Variants in PLD1 observed in about 807,000 individuals in gnomAD.
PLD1 encodes the protein phospholipase D1.
Under a neutral mutation model 137.1 loss-of-function variants are expected in PLD1, and 112 were observed. The observed-to-expected ratio is 0.82, with a 90% CI of 0.70 to 0.96. PLD1 has a LOEUF of 0.96. Among genes scored for constraint, PLD1 ranks in the 40% least tolerant of loss-of-function variants. The probability of loss-of-function intolerance (pLI) is 0.00; values close to 1 mark genes in which losing one functional copy is unlikely to be tolerated. For synonymous variants in PLD1, 431 were observed against 454.7 expected, an observed-to-expected ratio of 0.95 and a Z score of 0.66; for missense variants, 1,321 against 1,342.0, an observed-to-expected ratio of 0.98 and a Z score of 0.24.
chr3:171,657,481 A>T (rs766185409), intron 21 of PLD1, among the ~76,000 whole-genome samples: 6 of 152,228 alleles, frequency 3.9e-5, no homozygotes, highest in Non-Finnish European at 5.9e-5. Context: ...GCTACTTTTA[A>T]ATGGAGCTGA....
At chr3:171,785,066 CAGT>C (rs1380433841) in intron 1 of PLD1, among the ~76,000 whole-genome samples, 1 of 152,184 alleles carries the variant, frequency 6.6e-6, no homozygotes, top group African/African-American at 2.4e-5. Context: ...AGGAATACTA[CAGT>C]AAGTCCTGTA....
chr3:171,746,922 C>T (rs1297282521), intron 1 of PLD1, among the ~76,000 whole-genome samples: 3 of 152,236 alleles, frequency 2.0e-5, no homozygotes, highest in African/African-American at 7.2e-5. Flanking sequence ...ATAAATCTTG[C>T]TGCTGCTGTT....
chr3:171,801,918 A>C (rs1723665128), intron 1 of PLD1, among the ~76,000 whole-genome samples: 1 of 152,218 alleles, frequency 6.6e-6, no homozygotes, highest in African/African-American at 2.4e-5. Flanking sequence ...TGACAGATGC[A>C]ACTGAAACAA....
intron 1 of PLD1, chr3:171,789,191 G>A (rs1723127385): frequency 6.6e-6 from 1 of 152,316 alleles, no homozygotes; most frequent in Admixed American, 6.5e-5. Context: ...AAGGGAGGAA[G>A]GGCATCCTAT....
intron 21 of PLD1, among the ~76,000 whole-genome samples, chr3:171,646,379 G>T (rs1190674576): frequency 6.6e-6 from 1 of 152,120 alleles, no homozygotes; most frequent in Non-Finnish European, 1.5e-5. Context: ...CTCTTTGGGG[G>T]ATCAGATTTT....
At chr3:171,631,501 T>A (rs898281124) in intron 23 of PLD1, among the ~76,000 whole-genome samples, 51 of 152,196 alleles carry the variant, frequency 3.4e-4, no homozygotes, top group African/African-American at 1.0e-3. Context: ...CTAGTAGCAA[T>A]GATCACATCT....
intron 25 of PLD1, among the ~76,000 whole-genome samples, chr3:171,606,379 G>C (rs1732204126): frequency 6.6e-6 from 1 of 152,186 alleles, no homozygotes; most frequent in Non-Finnish European, 1.5e-5. Context: ...TAGATAAATG[G>C]AACTGGGGTT....
At chr3:171,797,422 C>T (rs1389515078) in intron 1 of PLD1, among the ~76,000 whole-genome samples, 2 of 152,186 alleles carry the variant, frequency 1.3e-5, no homozygotes, top group Admixed American at 6.5e-5. Context: ...AGCATTATCT[C>T]GGAGCTTGTT....
Position 171,602,803 on chromosome 3 carries a change from C to A in PLD1, c.*275G>T. The A allele has an allele frequency of 2.6e-6, 1 of 377,734 alleles. No individual in the cohort carries two copies. Among genetic ancestry groups the A allele is most frequent in the Non-Finnish European group, 4.8e-6 (1 of 208,960 alleles). The allele number at this position is 377,734 out of a possible 1,614,324, so 23.4% of individuals were successfully genotyped here. ...TACAAAGGAAATGGATTTTGGTATA[C>A]GGAATTTGAATATGTGTTTTACTCA... On this transcript the variant is annotated 3_prime_UTR_variant, in exon 27 of 27. Coordinates refer to ENST00000351298, the MANE Select transcript of PLD1 (RefSeq NM_002662.5).
rs983177669 is a variant in PLD1 at position 171,688,759 on chromosome 3, T to G, written c.1456A>C (p.Arg486=). ...FVGGIDLAYG[R]WDDNEHRLTD... ...AGTCTGTGCTCATTGTCGTCCCACC[T>G]TCCATAGGCCAGGTCAATCCCTCCC... The change falls in exon 14 of 27, where the codon AGG becomes CGG. Residue 486 remains arginine, a synonymous_variant. Transcript: ENST00000351298. 5 of 1,614,064 alleles carry G rather than the reference T, an allele frequency of 3.1e-6. No homozygotes were observed. The African/African-American group carries it at 6.7e-5, about 22-fold the overall frequency.
intron 21 of PLD1, among the ~76,000 whole-genome samples, chr3:171,652,905 G>C (rs1736909522): frequency 6.7e-6 from 1 of 149,988 alleles, no homozygotes; most frequent in African/African-American, 2.5e-5. Context: ...ATAAGCCACA[G>C]TGCCCAGCTC....
intron 1 of PLD1, among the ~76,000 whole-genome samples, chr3:171,807,183 C>A (rs1723883578): frequency 6.6e-6 from 1 of 152,090 alleles, no homozygotes; most frequent in Non-Finnish European, 1.5e-5. Context: ...GTGATGCGCA[C>A]CTCTAGTTCC....
At chr3:171,643,106 GA>G (rs1404614783) in intron 22 of PLD1, 2 of 389,426 alleles carry the variant, frequency 5.1e-6, no homozygotes, top group Non-Finnish European at 9.1e-6. Flanking sequence ...TAGGTAAATG[GA>G]AAAGTTATAA....
intron 6 of PLD1, among the ~76,000 whole-genome samples, chr3:171,730,229 A>G (rs1201613477): frequency 6.6e-6 from 1 of 152,184 alleles, no homozygotes; most frequent in African/African-American, 2.4e-5. Context: ...ATTTTTTTGT[A>G]TGTTATTACA....
chr3:171,692,646 G>A (rs527384664), intron 12 of PLD1, among the ~76,000 whole-genome samples: 1 of 152,062 alleles, frequency 6.6e-6, no homozygotes, highest in Non-Finnish European at 1.5e-5. Flanking sequence ...TCAGCCTCCT[G>A]AGTAGCTGGG....
Position 171,713,853 on chromosome 3 carries a change from AT to A in PLD1, c.911+39del, listed in dbSNP as rs753905573. 55 of 1,549,682 alleles carry A rather than the reference AT, an allele frequency of 3.5e-5. No individual in the cohort carries two copies. In the African/African-American group the frequency reaches 6.5e-4, roughly 18 times the overall value. On this transcript the variant is annotated intron_variant, in intron 9 of 26. Transcript: ENST00000351298. Reference sequence around the variant, plus strand: ...GTTGAGAAAAAAATGTTTTTAAGGCATTTTTGTAGAAATCTTTTTTAAATAT... The same window carrying A: ...GTTGAGAAAAAAATGTTTTTAAGGCATTTTGTAGAAATCTTTTTTAAATAT...
intron 23 of PLD1, among the ~76,000 whole-genome samples, chr3:171,629,691 C>A (rs916172948): frequency 6.6e-6 from 1 of 151,764 alleles, no homozygotes; most frequent in Non-Finnish European, 1.5e-5. Context: ...CAGAACAGAG[C>A]CCTCAGAAAT....
intron 1 of PLD1, chr3:171,792,494 G>A (rs1469172358): frequency 6.8e-6 from 3 of 439,146 alleles, no homozygotes; most frequent in African/African-American, 6.0e-5. Context: ...TGATCTGCAA[G>A]GTGAGAAGGG....
chr3:171,612,771 G>A lies in PLD1; in HGVS notation c.2729-339C>T, dbSNP rs545030287. Among the ~76,000 whole-genome samples, 5 of 152,220 alleles carry A rather than the reference G, an allele frequency of 3.3e-5. No homozygotes were observed. The East Asian group carries it at 9.7e-4, about 29-fold the overall frequency. ...TGGATTCTGTCTCTTCCATCCTTTG[G>A]ATATCTTGGCTTGAAGGGTTGGAAG... On this transcript the variant is annotated intron_variant, in intron 24 of 26. Transcript: ENST00000351298. The surrounding 1 kb of genome is among the most constrained non-coding windows in gnomAD (Gnocchi z 4.1).
Sources: gnomAD v4.1 joint callset for allele counts (sites outside exome capture counted in the v4.1 genomes callset) on GRCh38, gnomAD v4.1.1 for gene constraint, Gnocchi (gnomAD v3.1) non-coding constraint, MANE v1.5 for transcripts, NCBI Gene and HGNC (gene_info 2026-07-23, HGNC 2026-07-21) for gene names.